Variants in KAZN observed in about 807,000 individuals in gnomAD.
The protein encoded by KAZN is kazrin.
KAZN carries 40 observed loss-of-function variants against 87.4 expected under a neutral mutation model. That is an observed-to-expected ratio of 0.46 (90% confidence interval 0.36 to 0.60). The LOEUF is 0.60. KAZN is among the 20% of genes least tolerant of loss of function. The pLI is 0.00. For missense variants in KAZN, 898 were observed against 1,073.9 expected, an observed-to-expected ratio of 0.84 and a Z score of 2.29; for synonymous variants, 466 against 458.3, an observed-to-expected ratio of 1.02 and a Z score of -0.22.
intron 2 of KAZN, among the ~76,000 whole-genome samples, chr1:14,525,751 A>G (rs796834348): frequency 1.6e-4 from 25 of 152,378 alleles, no homozygotes; most frequent in African/African-American, 5.8e-4. Context: ...ATCCATAAAG[A>G]ATCAAAATAT....
chr1:14,889,445 T>C (rs188099089), intron 1 of KAZN, among the ~76,000 whole-genome samples: 1 of 152,348 alleles, frequency 6.6e-6, no homozygotes, highest in Admixed American at 6.5e-5. Context: ...AATATAATAT[T>C]GAGTGAAACT....
chr1:14,926,196 A>G (rs1224053160), intron 1 of KAZN, among the ~76,000 whole-genome samples: 1 of 152,196 alleles, frequency 6.6e-6, no homozygotes, highest in East Asian at 1.9e-4. Flanking sequence ...AACTATGTCA[A>G]GATGACTTTT....
chr1:14,384,380 T>C (rs1048928740), intron 2 of KAZN, among the ~76,000 whole-genome samples: 20 of 152,262 alleles, frequency 1.3e-4, no homozygotes, highest in Non-Finnish European at 2.2e-4. Context: ...GAGGGGGCAT[T>C]CCTGTCTTGT....
Position 14,363,079 on chromosome 1 carries a change from C to T in KAZN, c.249+182487C>T, listed in dbSNP as rs539489051. ...ACCTTCAAGAACTGGCTCTCTGGCT[C>T]TAGAAGGCTCCAGAGCTTCACTCCA... is the stretch of plus-strand genomic sequence containing the variant. On this transcript the variant is annotated intron_variant, in intron 2 of 16. Transcript: ENST00000636203. Among the ~76,000 whole-genome samples, 10 of 152,246 alleles carry T rather than the reference C, an allele frequency of 6.6e-5. No individual in the cohort carries two copies. The East Asian group carries it at 1.9e-3, about 29-fold the overall frequency.
intron 1 of KAZN, among the ~76,000 whole-genome samples, chr1:14,044,389 C>T (rs760213479): frequency 3.2e-4 from 33 of 102,800 alleles, no homozygotes; most frequent in Non-Finnish European, 5.1e-4. Flanking sequence ...CTCACTGTTC[C>T]GCCCCCCACC....
intron 1 of KAZN, among the ~76,000 whole-genome samples, chr1:14,690,562 C>A (rs953995903): frequency 6.2e-5 from 9 of 145,122 alleles, no homozygotes; most frequent in Admixed American, 2.8e-4. Context: ...GCTCTTCCCC[C>A]CATTTCCAGT....
chr1:14,654,222 G>A (rs1409926286), intron 1 of KAZN, among the ~76,000 whole-genome samples: 1 of 149,914 alleles, frequency 6.7e-6, no homozygotes, highest in Non-Finnish European at 1.5e-5. Context: ...AGGCGGTGGA[G>A]GTTGCAGTGA....
At chr1:15,080,150 G>A (rs1470496072) in intron 8 of KAZN, among the ~76,000 whole-genome samples, 1 of 152,184 alleles carries the variant, frequency 6.6e-6, no homozygotes, top group Non-Finnish European at 1.5e-5. Flanking sequence ...GAGGTTGGGA[G>A]AAGGGTGGCT....
chr1:14,650,103 A>G (rs1053709837), intron 1 of KAZN, among the ~76,000 whole-genome samples: 3 of 141,338 alleles, frequency 2.1e-5, no homozygotes, highest in Non-Finnish European at 3.0e-5. Context: ...TAATTTTCCC[A>G]TAGTCACACA....
At chr1:14,254,982 G>T (rs1650373077) in intron 2 of KAZN, among the ~76,000 whole-genome samples, 2 of 151,970 alleles carry the variant, frequency 1.3e-5, no homozygotes, top group African/African-American at 4.8e-5. Flanking sequence ...TTAGCCAGGT[G>T]TGGTGGCATG....
chr1:14,498,092 G>T (rs2148421774), intron 2 of KAZN, among the ~76,000 whole-genome samples: 1 of 152,290 alleles, frequency 6.6e-6, no homozygotes, highest in African/African-American at 2.4e-5. Flanking sequence ...TCTTACTTTG[G>T]AAACGTTCCC....
chr1:14,393,273 C>A (rs1012072829), intron 2 of KAZN, among the ~76,000 whole-genome samples: 1 of 152,162 alleles, frequency 6.6e-6, no homozygotes, highest in Admixed American at 6.5e-5. Context: ...ATCTATTTCA[C>A]AAGTTTGAGA....
At chr1:14,351,397 C>G (rs975910199) in intron 2 of KAZN, among the ~76,000 whole-genome samples, 2 of 152,186 alleles carry the variant, frequency 1.3e-5, no homozygotes, top group African/African-American at 4.8e-5. Flanking sequence ...AACCCCATCT[C>G]TACTAAAACA....
intron 1 of KAZN, among the ~76,000 whole-genome samples, chr1:13,940,163 G>T (rs369151299): frequency 1.3e-5 from 2 of 152,290 alleles, no homozygotes; most frequent in East Asian, 3.9e-4. Context: ...GAGTTAGGAG[G>T]ATTCCCTCCT....
chr1:14,439,768 G>A (rs931342883), intron 2 of KAZN, among the ~76,000 whole-genome samples: 1 of 152,134 alleles, frequency 6.6e-6, no homozygotes, highest in East Asian at 1.9e-4. Flanking sequence ...CCTTCATAAC[G>A]CTTTGACCTT....
chr1:14,858,172 T>C (rs1210077647), intron 1 of KAZN, among the ~76,000 whole-genome samples: 1 of 151,818 alleles, frequency 6.6e-6, no homozygotes, highest in Non-Finnish European at 1.5e-5. Context: ...ATGATATGGA[T>C]ATGCCACATT....
At chr1:14,246,536 A>G (rs1443431751) in intron 2 of KAZN, among the ~76,000 whole-genome samples, 1 of 152,116 alleles carries the variant, frequency 6.6e-6, no homozygotes, top group East Asian at 1.9e-4. Flanking sequence ...ATATGCATAT[A>G]AAAATATATA....
intron 2 of KAZN, among the ~76,000 whole-genome samples, chr1:14,474,359 T>G (rs1668608829): frequency 6.6e-6 from 1 of 152,190 alleles, no homozygotes; most frequent in Admixed American, 6.5e-5. Flanking sequence ...TGCGTTCTAC[T>G]TTCGTTGAAG....
rs572379905 is a variant in KAZN, at chr1:14,996,398, C to A, written c.418+35523C>A. 6.6e-6 allele frequency among the ~76,000 whole-genome samples: 1 copy of A among 152,306 alleles called. No homozygotes were observed. Among genetic ancestry groups the A allele is most frequent in the African/African-American group, 2.4e-5 (1 of 41,558 alleles). On this transcript the variant is annotated intron_variant, in intron 2 of 14. Coordinates refer to ENST00000376030, the MANE Select transcript of KAZN (RefSeq NM_201628.3). The surrounding 1 kb of genome is among the most constrained non-coding windows in gnomAD (Gnocchi z 5.9). The stretch of plus-strand genomic sequence containing the variant: ...GGCTGTCCCGGCACATCATGGGGGC[C>A]TCAGAGGCAGGGACTGTGACTTAGT...
Sources: allele counts gnomAD v4.1 joint callset (sites outside exome capture counted in the v4.1 genomes callset), GRCh38; gene constraint gnomAD v4.1.1; non-coding constraint Gnocchi (gnomAD v3.1); transcripts MANE v1.5; gene names NCBI Gene and HGNC (gene_info 2026-07-23, HGNC 2026-07-21).